FGF13: variants seen among roughly 807,000 people sequenced by gnomAD.
FGF13 encodes the protein fibroblast growth factor 13, also known as fibroblast growth factor homologous factor 2.
Under a neutral mutation model 19.5 loss-of-function variants are expected in FGF13, and 2 were observed. That is an observed-to-expected ratio of 0.10 (90% CI 0.04 to 0.32). FGF13 has a LOEUF of 0.32. FGF13 is among the 10% of genes least tolerant of loss of function. The probability of loss-of-function intolerance (pLI) is 1.00; values close to 1 mark genes in which losing one functional copy is unlikely to be tolerated. For synonymous variants in FGF13, 72 were observed against 76.9 expected, an observed-to-expected ratio of 0.94 and a Z score of 0.33; for missense variants, 113 against 192.7, an observed-to-expected ratio of 0.59 and a Z score of 2.45.
Position 138,711,276 on chromosome X carries a change from C to A in FGF13, c.-273G>T. The A allele has an allele frequency of 1.0e-6, 1 of 974,039 alleles. No individual in the cohort carries two copies. The highest frequency in any genetic ancestry group is 1.3e-6 in the Non-Finnish European group (1 of 778,317). The allele number at this position is 974,039 out of a possible 1,213,427, so 80.3% of individuals were successfully genotyped here. Reference sequence around the variant, plus strand: ...ACAGCCCCGGGCCCGGGATCGCGGGCGAGACTGGCACGCGGATGCTGAACT... The same window carrying A: ...ACAGCCCCGGGCCCGGGATCGCGGGAGAGACTGGCACGCGGATGCTGAACT... On this transcript the variant is annotated 5_prime_UTR_variant, in exon 1 of 5. Coordinates refer to ENST00000315930, the MANE Select transcript of FGF13 (RefSeq NM_004114.5).
At chrX:139,068,937 G>A (rs2092366636) in intron 1 of FGF13, among the ~76,000 whole-genome samples, 1 of 109,881 alleles carries the variant, frequency 9.1e-6, no homozygotes, top group Admixed American at 9.8e-5. Context: ...CAGTTAGAAT[G>A]GCAATCATTA....
chrX:138,757,299 G>A (rs750593417), intron 3 of FGF13, among the ~76,000 whole-genome samples: 74 of 109,362 alleles, frequency 6.8e-4, no homozygotes, highest in Non-Finnish European at 1.3e-3. Flanking sequence ...AGTGTATGTC[G>A]CTGAATTCCA....
In FGF13 at chrX:139,081,210, T is replaced by C. The variant is rs139509031; in HGVS notation, c.-113+122206A>G. Reference sequence around the variant, plus strand: ...GATCACCAACCTCCCTGTTGTGATATCTAGGAGAAAATTTTTACCTTTATA... The same window carrying C: ...GATCACCAACCTCCCTGTTGTGATACCTAGGAGAAAATTTTTACCTTTATA... On this transcript the variant is annotated intron_variant, in intron 1 of 2. Transcript: ENST00000421460. Among the ~76,000 whole-genome samples the C allele has an allele frequency of 9.8e-3, 1,089 of 111,378 alleles. 14 individuals carry two copies. Among genetic ancestry groups the C allele is most frequent in the African/African-American group, 0.034 (1,033 of 30,625 alleles).
intron 1 of FGF13, among the ~76,000 whole-genome samples, chrX:139,023,672 A>G (rs184470966): frequency 7.2e-5 from 8 of 111,812 alleles, no homozygotes; most frequent in Admixed American, 6.6e-4. Flanking sequence ...TTGGTTAAGT[A>G]TATACAGTAA....
intron 1 of FGF13, among the ~76,000 whole-genome samples, chrX:139,007,931 G>T (rs2092110397): frequency 8.9e-6 from 1 of 112,803 alleles, no homozygotes; most frequent in South Asian, 3.6e-4. Context: ...TGGCTATCTG[G>T]AAATAGACTC....
At chrX:139,029,333 G>A (rs1372848044) in intron 1 of FGF13, among the ~76,000 whole-genome samples, 2 of 111,466 alleles carry the variant, frequency 1.8e-5, no homozygotes, top group East Asian at 5.7e-4. Flanking sequence ...CAGACACTTG[G>A]AATTGATGGC....
intron 1 of FGF13, among the ~76,000 whole-genome samples, chrX:138,899,929 T>C (rs1360367270): frequency 9.0e-6 from 1 of 111,278 alleles, no homozygotes; most frequent in African/African-American, 3.3e-5. Context: ...ATAGCACAGT[T>C]ATGTACGTAT....
chrX:138,902,198 C>G (rs890474771), intron 1 of FGF13, among the ~76,000 whole-genome samples: 1 of 112,182 alleles, frequency 8.9e-6, no homozygotes, highest in Non-Finnish European at 1.9e-5. Context: ...GGTCTTTTAG[C>G]CTGTTGAGTT....
chrX:138,672,750 G>A (rs758803078), intron 3 of FGF13, among the ~76,000 whole-genome samples: 3 of 111,491 alleles, frequency 2.7e-5, no homozygotes, highest in Non-Finnish European at 5.6e-5. Context: ...TACACAAAGA[G>A]GGTGAGTGTG....
intron 1 of FGF13, among the ~76,000 whole-genome samples, chrX:138,994,520 T>C (rs1304098634): frequency 2.7e-5 from 3 of 111,749 alleles, no homozygotes; most frequent in South Asian, 7.5e-4. Flanking sequence ...ATAATTCCCC[T>C]ACTATAAAAG....
At chrX:138,910,483 C>T (rs1448038032) in intron 1 of FGF13, among the ~76,000 whole-genome samples, 1 of 111,600 alleles carries the variant, frequency 9.0e-6, no homozygotes, top group Non-Finnish European at 1.9e-5. Context: ...TTAAAGAAGT[C>T]CCAAATGAAT....
At chrX:139,054,965 C>G (rs1243686325) in intron 1 of FGF13, among the ~76,000 whole-genome samples, 2 of 108,465 alleles carry the variant, frequency 1.8e-5, no homozygotes, top group Non-Finnish European at 3.8e-5. Flanking sequence ...GGGTTGAGTT[C>G]TTGATTTGAT....
chrX:139,124,770 A>G (rs1228465495), intron 1 of FGF13, among the ~76,000 whole-genome samples: 2 of 112,249 alleles, frequency 1.8e-5, no homozygotes, highest in African/African-American at 6.5e-5. Flanking sequence ...CAGAGTTGGT[A>G]CTCAATGAGC....
chrX:139,013,909 T>C (rs2092142286), intron 1 of FGF13, among the ~76,000 whole-genome samples: 1 of 110,778 alleles, frequency 9.0e-6, no homozygotes, highest in African/African-American at 3.3e-5. Flanking sequence ...ATCAAGCATC[T>C]TCTCTGAACA....
intron 1 of FGF13, among the ~76,000 whole-genome samples, chrX:139,105,792 G>A (rs1464588311): frequency 8.9e-6 from 1 of 111,993 alleles, no homozygotes; most frequent in Non-Finnish European, 1.9e-5. Context: ...ATGCATTCCT[G>A]GCTGGCATGT....
chrX:138,899,738 C>A (rs991713500), intron 1 of FGF13, among the ~76,000 whole-genome samples: 1 of 111,182 alleles, frequency 9.0e-6, no homozygotes, highest in African/African-American at 3.3e-5. Context: ...CAAAAAAGAA[C>A]CTTCTATGCA....
Position 138,628,984 on chromosome X carries a change from C to T in FGF13, c.*3866G>A, listed in dbSNP as rs763813496. On this transcript the variant is annotated 3_prime_UTR_variant, in exon 5 of 5. Transcript: ENST00000315930. Reference sequence around the variant, plus strand: ...TGTTGTTTTCTTTTCCATATTCATTCTCAGGCTAAATACAGTATAATGATT... The same window carrying T: ...TGTTGTTTTCTTTTCCATATTCATTTTCAGGCTAAATACAGTATAATGATT... The T allele has an allele frequency of 8.9e-6, 1 of 112,177 alleles. No homozygotes were observed. Among genetic ancestry groups the T allele is most frequent in the Admixed American group, 9.5e-5 (1 of 10,578 alleles). 9.2% of individuals were successfully genotyped at this position (112,177 alleles called of 1,213,427 possible). A position where few individuals can be genotyped will look rare whatever the true frequency, so the allele number is the denominator to read the frequency against.
At chrX:138,959,511 G>T (rs1340543448) in intron 1 of FGF13, among the ~76,000 whole-genome samples, 1 of 111,733 alleles carries the variant, frequency 8.9e-6, no homozygotes, top group African/African-American at 3.3e-5. Flanking sequence ...ATTTGGGGTG[G>T]AGAGTTCTAT....
chrX:138,866,677 G>A (rs1160657197), intron 1 of FGF13, among the ~76,000 whole-genome samples: 4 of 111,376 alleles, frequency 3.6e-5, no homozygotes, highest in African/African-American at 6.5e-5. Flanking sequence ...CTAGGGTTAA[G>A]TGTAAATCCT....
Sources: allele counts gnomAD v4.1 joint callset (sites outside exome capture counted in the v4.1 genomes callset), GRCh38; gene constraint gnomAD v4.1.1; transcripts MANE v1.5; gene names NCBI Gene and HGNC (gene_info 2026-07-23, HGNC 2026-07-21).